Variants in THSD4 observed in about 807,000 individuals in gnomAD.
THSD4 encodes thrombospondin type 1 domain containing 4.
A neutral mutation model predicts 119.0 loss-of-function variants in THSD4; 69 were observed. That is an observed-to-expected ratio of 0.58 (90% CI 0.48 to 0.71). The LOEUF is 0.71. Among genes scored for constraint, THSD4 ranks in the 30% least tolerant of loss-of-function variants. THSD4 has a pLI of 0.00. For synonymous variants in THSD4, 524 were observed against 540.4 expected (o/e 0.97, Z 0.42); for missense variants, 1,393 against 1,391.1 (o/e 1.00, Z -0.02).
chr15:71,097,317 C>A (rs1447051990), intron 1 of THSD4, among the ~76,000 whole-genome samples: 1 of 152,148 alleles, frequency 6.6e-6, no homozygotes, highest in Non-Finnish European at 1.5e-5. Context: ...GTAATACCAG[C>A]ACTTTGGGAG....
Position 71,141,338 on chromosome 15 carries a change from CTTTTG to C in THSD4, c.-79-106_-79-102del, listed in dbSNP as rs1455591074. ...AAATCCTGGGAACCATAACTGGGCA[CTTTTG>C]TTTTAGTATCTTCCATTTGCTCATT... On this transcript the variant is annotated intron_variant, in intron 1 of 17. Coordinates refer to ENST00000261862, the MANE Select transcript of THSD4 (RefSeq NM_024817.3). 3 of 588,094 alleles carry C rather than the reference CTTTTG, an allele frequency of 5.1e-6. No individual in the cohort carries two copies. The African/African-American group carries it at 5.7e-5, about 11-fold the overall frequency. The allele number at this position is 588,094 out of a possible 1,614,324, so 36.4% of individuals were successfully genotyped here.
Position 71,135,110 on chromosome 15 carries a change from T to C in THSD4, c.-79-6339T>C, listed in dbSNP as rs796826930. Among the ~76,000 whole-genome samples, 224 of 141,894 alleles carry C rather than the reference T, an allele frequency of 1.6e-3. 1 individual carries two copies. The highest frequency in any genetic ancestry group is 5.5e-3 in the African/African-American group (207 of 37,784). The allele number at this position is 141,894 out of a possible 152,430, so 93.1% of individuals were successfully genotyped here. A position where few individuals can be genotyped will look rare whatever the true frequency, so the allele number is the denominator to read the frequency against. ...GAAACCATCATTCTCAGTAAACTATTGCAAGAACAAAAAACCAAACACCGC... is the reference window on the plus strand; with the variant it reads ...GAAACCATCATTCTCAGTAAACTATCGCAAGAACAAAAAACCAAACACCGC... On this transcript the variant is annotated intron_variant, in intron 1 of 17. Coordinates refer to ENST00000261862, the MANE Select transcript of THSD4 (RefSeq NM_024817.3).
chr15:71,679,895 TCAG>T (rs1415443854), intron 8 of THSD4, among the ~76,000 whole-genome samples: 2 of 152,208 alleles, frequency 1.3e-5, no homozygotes, highest in Non-Finnish European at 2.9e-5. Context: ...TACTGCTATG[TCAG>T]TGGGCTCTGT....
intron 7 of THSD4, among the ~76,000 whole-genome samples, chr15:71,596,220 G>A (rs1212316540): frequency 6.6e-6 from 1 of 152,182 alleles, no homozygotes; most frequent in African/African-American, 2.4e-5. Flanking sequence ...TTTGCTGATG[G>A]GTTTGAGGGG....
chr15:71,588,629 T>C (rs936417835), intron 7 of THSD4, among the ~76,000 whole-genome samples: 5 of 152,080 alleles, frequency 3.3e-5, no homozygotes, highest in Non-Finnish European at 7.4e-5. Context: ...GACATGGGTT[T>C]CACCACGTTA....
In THSD4 at chr15:71,214,932, C is replaced by T. The variant is rs190270796; in HGVS notation, c.100-103C>T. 5.8e-4 allele frequency: 693 copies of T among 1,203,766 alleles called. 19 individuals carry two copies. The Admixed American group carries it at 0.028, about 49-fold the overall frequency. The allele number at this position is 1,203,766 out of a possible 1,614,324, so 74.6% of individuals were successfully genotyped here. ...TATTAATACTTATCTTTGAAACAGA[C>T]TGTGCCTACTTGTGCCTGATGGATA... On this transcript the variant is annotated intron_variant, in intron 3 of 17. Coordinates refer to ENST00000261862, the MANE Select transcript of THSD4 (RefSeq NM_024817.3).
In THSD4 at chr15:71,491,452, C is replaced by G. The variant is rs563263944; in HGVS notation, c.1152+79629C>G. ...TAAGAGAGAGACCTAAGCTAGCACG[C>G]TCAGCCCCCTCACCACATGATACCT... On this transcript the variant is annotated intron_variant, in intron 7 of 17. Coordinates refer to ENST00000261862, the MANE Select transcript of THSD4 (RefSeq NM_024817.3). 1.2e-3 allele frequency among the ~76,000 whole-genome samples: 187 copies of G among 152,312 alleles called. 1 individual carries two copies. The highest frequency in any genetic ancestry group is 4.1e-3 in the African/African-American group (172 of 41,562).
At chr15:71,165,426 T>C in intron 3 of THSD4, 1 of 1,482,746 alleles carries the variant, frequency 6.7e-7, no homozygotes, top group East Asian at 2.3e-5. Context: ...TGTTTAGTTA[T>C]TTTTCCTCAG....
intron 8 of THSD4, among the ~76,000 whole-genome samples, chr15:71,697,141 AT>A (rs1372285595): frequency 6.6e-6 from 1 of 152,172 alleles, no homozygotes; most frequent in Non-Finnish European, 1.5e-5. Flanking sequence ...GATACAAGTT[AT>A]TGTATAGAAT....
At chr15:71,596,752 C>T (rs1373886392) in intron 7 of THSD4, among the ~76,000 whole-genome samples, 1 of 152,204 alleles carries the variant, frequency 6.6e-6, no homozygotes, top group Non-Finnish European at 1.5e-5. Flanking sequence ...GGTTAGAATC[C>T]TGCGGGCCTC....
chr15:71,504,244 G>A (rs147542224), intron 7 of THSD4, among the ~76,000 whole-genome samples: 2 of 152,332 alleles, frequency 1.3e-5, no homozygotes, highest in East Asian at 1.9e-4. Context: ...GTCGTGAAGG[G>A]TTGCTCAAGG....
At chr15:71,336,175 T>C (rs2045487680) in intron 6 of THSD4, among the ~76,000 whole-genome samples, 1 of 152,222 alleles carries the variant, frequency 6.6e-6, no homozygotes, top group African/African-American at 2.4e-5. Flanking sequence ...GCTTCTAGAA[T>C]GTTTTTAATC....
At chr15:71,225,793 G>T (rs2044013349) in intron 4 of THSD4, among the ~76,000 whole-genome samples, 1 of 151,860 alleles carries the variant, frequency 6.6e-6, no homozygotes, top group South Asian at 2.1e-4. Context: ...TGCTTGTCTT[G>T]GCCTCCCAGA....
At chr15:71,508,445 A>G (rs1396952675) in intron 7 of THSD4, among the ~76,000 whole-genome samples, 1 of 152,066 alleles carries the variant, frequency 6.6e-6, no homozygotes, top group Non-Finnish European at 1.5e-5. Context: ...GATCCTCCCT[A>G]CCCAGTTTTG....
At chr15:71,711,869 A>G (rs1604335) in intron 8 of THSD4, among the ~76,000 whole-genome samples, 113,729 of 151,950 alleles carry the variant, frequency 0.75, 43,090 homozygotes, top group East Asian at 0.88. Flanking sequence ...CCATAAAGGT[A>G]TATGCATCTA....
chr15:71,495,682 A>G (rs1198643266), intron 7 of THSD4, among the ~76,000 whole-genome samples: 1 of 152,214 alleles, frequency 6.6e-6, no homozygotes, highest in African/African-American at 2.4e-5. Context: ...TCTTTGTAAC[A>G]TAGAAGAATT....
chr15:71,749,697 T>TTATTTTTATTTATTTATTTA lies in THSD4; in HGVS notation c.2415+1104_2415+1105insATTTTTATTTATTTATTTAT. Among the ~76,000 whole-genome samples the TTATTTTTATTTATTTATTTA allele has an allele frequency of 2.2e-5, 3 of 137,668 alleles. No homozygotes were observed. In the South Asian group the frequency reaches 6.9e-4, roughly 32 times the overall value. 90.3% of individuals were successfully genotyped at this position (137,668 alleles called of 152,430 possible). On this transcript the variant is annotated intron_variant, in intron 14 of 17. Coordinates refer to ENST00000261862, the MANE Select transcript of THSD4 (RefSeq NM_024817.3). ...TTTTAATATTTTTATATTTTTAAAT[T>TTATTTTTATTTATTTATTTA]TTTATTTATTTATTTATTTATTTAT...
chr15:71,604,851 G>A (rs2050080037), intron 7 of THSD4, among the ~76,000 whole-genome samples: 1 of 151,164 alleles, frequency 6.6e-6, no homozygotes, highest in Admixed American at 6.6e-5. Flanking sequence ...TGTCAACATA[G>A]AATTCTATAT....
chr15:71,667,364 C>T (rs2051437165), intron 8 of THSD4, among the ~76,000 whole-genome samples: 3 of 152,108 alleles, frequency 2.0e-5, no homozygotes, highest in Admixed American at 1.3e-4. Flanking sequence ...TGGCATAGTT[C>T]AGTCAGTTCA....
Sources: gnomAD v4.1 joint callset for allele counts (sites outside exome capture counted in the v4.1 genomes callset) on GRCh38, gnomAD v4.1.1 for gene constraint, MANE v1.5 for transcripts, NCBI Gene and HGNC (gene_info 2026-07-23, HGNC 2026-07-21) for gene names.